MCM2: variants seen among roughly 807,000 people sequenced by gnomAD.
MCM2 encodes minichromosome maintenance complex component 2.
Under a neutral mutation model 86.4 loss-of-function variants are expected in MCM2, and 49 were observed. The ratio of observed to expected loss-of-function variants is 0.57; its 90% CI spans 0.45 to 0.72. MCM2 has a LOEUF of 0.72. MCM2 is among the 30% of genes least tolerant of loss of function. MCM2 has a pLI of 0.00. For missense variants in MCM2, 1,038 were observed against 1,259.9 expected, an observed-to-expected ratio of 0.82 and a Z score of 2.67; for synonymous variants, 475 against 484.6, an observed-to-expected ratio of 0.98 and a Z score of 0.26.
At position 127,606,522 on chromosome 3, in the gene MCM2, A is replaced by AT; in HGVS notation, c.894-85dup. On this transcript the variant is annotated intron_variant, in intron 5 of 15. Transcript: ENST00000265056. The surrounding 1 kb of genome is among the most constrained non-coding windows in gnomAD (Gnocchi z 4.2). ...CTTCCCGGGCTGGGGGCTGGGCCCA[A>AT]TTTCCAGGACAGTGTGTTGGGACAC... The AT allele has an allele frequency of 7.3e-7, 1 of 1,371,790 alleles. No homozygotes were observed. Among genetic ancestry groups the AT allele is most frequent in the South Asian group, 1.2e-5 (1 of 82,296 alleles). 85.0% of individuals were successfully genotyped at this position (1,371,790 alleles called of 1,614,324 possible).
At chr3:127,605,595 C>T (rs1408821784) in intron 4 of MCM2, among the ~76,000 whole-genome samples, 7 of 151,824 alleles carry the variant, frequency 4.6e-5, no homozygotes. Context: ...CATGCACCAC[C>T]ATGCCTGACT....
chr3:127,609,006 C>G lies in MCM2; in HGVS notation c.1411C>G (p.Gln471Glu), dbSNP rs764254320. 1.2e-6 allele frequency: 2 copies of G among 1,614,066 alleles called. No homozygotes were observed. Among genetic ancestry groups the G allele is most frequent in the South Asian group, 2.2e-5 (2 of 91,072 alleles). Residue 471 changes from glutamine to glutamate, a missense_variant, in exon 8 of 16, where the codon CAG becomes GAG. By Grantham distance (29) the Gln-to-Glu change is conservative (BLOSUM62 2). This residue lies in a region of MCM2 where 399 missense variants were observed against 507.2 expected (regional missense o/e 0.79). Transcript: ENST00000265056. ...GATGATCACTAGCCTCTCCAAGGATCAGCAGATCGGAGAGAAGGTAGGTGG... is the reference window on the plus strand; with the variant it reads ...GATGATCACTAGCCTCTCCAAGGATGAGCAGATCGGAGAGAAGGTAGGTGG... ...VKMITSLSKD[Q>E]QIGEKIFASI... is the part of the protein sequence containing the mutation.
At chr3:127,613,222 C>T (rs2074411824) in intron 8 of MCM2, among the ~76,000 whole-genome samples, 1 of 152,202 alleles carries the variant, frequency 6.6e-6, no homozygotes. Flanking sequence ...GACATTACCT[C>T]ATCCTGCAAG....
Position 127,615,965 on chromosome 3 carries a change from C to T in MCM2, c.1522+10C>T, listed in dbSNP as rs1290452680. ...GAGCCCAAAAACCCAGGTGAGCACCCACCTTTCCTCTGCAGGGGTGTTAGC... is the reference window on the plus strand; with the variant it reads ...GAGCCCAAAAACCCAGGTGAGCACCTACCTTTCCTCTGCAGGGGTGTTAGC... On this transcript the variant is annotated intron_variant, in intron 9 of 15. Transcript: ENST00000265056. 1.2e-6 allele frequency: 2 copies of T among 1,607,648 alleles called. No homozygotes were observed. The highest frequency in any genetic ancestry group is 1.7e-5 in the Admixed American group (1 of 60,016).
intron 4 of MCM2, among the ~76,000 whole-genome samples, chr3:127,605,484 A>G (rs989574339): frequency 8.5e-6 from 1 of 117,470 alleles, no homozygotes; most frequent in African/African-American, 3.5e-5. Context: ...CTTGTTTCCC[A>G]GGCTGGAGTG....
At chr3:127,604,445 T>C (rs758979689) in intron 2 of MCM2, among the ~76,000 whole-genome samples, 163 bp from the exon 3 acceptor site, 18 of 152,220 alleles carry the variant, frequency 1.2e-4, no homozygotes, top group Admixed American at 2.6e-4. Flanking sequence ...GTTCATCCAT[T>C]GGAGATCTTT....
intron 13 of MCM2, among the ~76,000 whole-genome samples, 183 bp downstream of exon 13, chr3:127,619,461 G>C (rs140008116): frequency 1.1e-4 from 17 of 152,298 alleles, no homozygotes; most frequent in Non-Finnish European, 8.8e-5. Context: ...TACTTTGGGA[G>C]GCCGAGGCAG....
chr3:127,603,441 C>T (rs1031184376), intron 2 of MCM2, among the ~76,000 whole-genome samples: 2 of 151,832 alleles, frequency 1.3e-5, no homozygotes, highest in East Asian at 3.9e-4. Flanking sequence ...GGATTACAGG[C>T]ATGAGCCACC....
chr3:127,620,986 G>T (rs1182390329), intron 14 of MCM2, 87 bp from the exon 15 acceptor site: 1 of 1,578,250 alleles, frequency 6.3e-7, no homozygotes, highest in African/African-American at 1.3e-5. Flanking sequence ...GCGGCAGCCT[G>T]TCTGACCTGG....
In MCM2 at chr3:127,616,944, C is replaced by T; in HGVS notation, c.1599C>T (p.Leu533=). 2.5e-6 allele frequency: 4 copies of T among 1,614,172 alleles called. No individual in the cohort carries two copies. The highest frequency in any genetic ancestry group is 3.4e-6 in the Non-Finnish European group (4 of 1,180,048). The stretch of plus-strand genomic sequence containing the variant: ...CTGGCACAGCGAAGTCGCAGTTTCT[C>T]AAGTATATTGAGAAAGTGTCCAGCC... ...GDPGTAKSQF[L]KYIEKVSSRA... Residue 533 remains leucine, a synonymous_variant, in exon 10 of 16, where the codon CTC becomes CTT. Coordinates refer to ENST00000265056, the MANE Select transcript of MCM2 (RefSeq NM_004526.4).
At position 127,616,943 on chromosome 3, in the gene MCM2, T is replaced by A; in HGVS notation, c.1598T>A (p.Leu533His). The A allele has an allele frequency of 6.2e-7, 1 of 1,614,156 alleles. No homozygotes were observed. The highest frequency in any genetic ancestry group is 8.5e-7 in the Non-Finnish European group (1 of 1,180,044). Residue 533 changes from leucine (L) to histidine (H), a missense_variant, in exon 10 of 16, where the codon CTC (leucine) becomes CAC (histidine). This residue lies in a region of MCM2 where 399 missense variants were observed against 507.2 expected (regional missense o/e 0.79). Coordinates refer to ENST00000265056, the MANE Select transcript of MCM2 (RefSeq NM_004526.4). Reference sequence around the variant, plus strand: ...CCTGGCACAGCGAAGTCGCAGTTTCTCAAGTATATTGAGAAAGTGTCCAGC... The same window carrying A: ...CCTGGCACAGCGAAGTCGCAGTTTCACAAGTATATTGAGAAAGTGTCCAGC... ...GDPGTAKSQF[L>H]KYIEKVSSRA...
chr3:127,601,505 C>T (rs931411100), intron 2 of MCM2, among the ~76,000 whole-genome samples: 11 of 152,166 alleles, frequency 7.2e-5, no homozygotes, highest in Non-Finnish European at 1.5e-5. Context: ...GGATCACAGA[C>T]ATTTGCCACC....
intron 13 of MCM2, among the ~76,000 whole-genome samples, chr3:127,620,131 G>A (rs2074465472): frequency 6.6e-6 from 1 of 152,118 alleles, no homozygotes; most frequent in African/African-American, 2.4e-5. Flanking sequence ...TATTGACTTT[G>A]TGTAAATTTC....
At chr3:127,612,222 G>A (rs937536624) in intron 8 of MCM2, among the ~76,000 whole-genome samples, 4 of 152,208 alleles carry the variant, frequency 2.6e-5, no homozygotes, top group African/African-American at 9.7e-5. Context: ...TCAGTTTCAT[G>A]GCCCTGCCTG....
At chr3:127,604,841 G>C (rs778936407) in intron 3 of MCM2, 55 bp from the exon 4 acceptor site, 107 of 1,575,152 alleles carry the variant, frequency 6.8e-5, no homozygotes, top group Non-Finnish European at 9.1e-5. Context: ...AGTCTGGGAG[G>C]GGAGTAGAAG....
Position 127,598,412 on chromosome 3 carries a change from T to C in MCM2, c.-55T>C. On this transcript the variant is annotated 5_prime_UTR_variant, in exon 1 of 16. Transcript: ENST00000265056. Reference sequence around the variant, plus strand: ...GGCTTTGGTGGGTCACGTGAACCACTTTTCGCGCGAAACCTGGTTGTTGCT... The same window carrying C: ...GGCTTTGGTGGGTCACGTGAACCACCTTTCGCGCGAAACCTGGTTGTTGCT... 1 of 1,612,612 alleles carries C rather than the reference T, an allele frequency of 6.2e-7. No individual in the cohort carries two copies. The highest frequency in any genetic ancestry group is 8.5e-7 in the Non-Finnish European group (1 of 1,179,020).
chr3:127,604,948 G>T lies in MCM2; in HGVS notation c.465G>T (p.Glu155Asp). The T allele has an allele frequency of 6.2e-7, 1 of 1,613,730 alleles. No homozygotes were observed. The highest frequency in any genetic ancestry group is 8.5e-7 in the Non-Finnish European group (1 of 1,179,840). Reference sequence around the variant, plus strand: ...CTGCCCGCAAGCGCCGCCAGGTGGAGCGGGCCACGGAGGACGGCGAGGAGG... The same window carrying T: ...CTGCCCGCAAGCGCCGCCAGGTGGATCGGGCCACGGAGGACGGCGAGGAGG... Reference protein sequence around the residue: ...ERPARKRRQVERATEDGEEDE... With the variant: ...ERPARKRRQVDRATEDGEEDE... The change falls in exon 4 of 16, where the codon GAG (glutamate) becomes GAT (aspartate). Residue 155 changes from glutamate (E) to aspartate (D), a missense_variant. Glu to Asp is a conservative substitution (Grantham distance 45). This residue lies in a region of MCM2 where 300 missense variants were observed against 307.4 expected (regional missense o/e 0.98). Coordinates refer to ENST00000265056, the MANE Select transcript of MCM2 (RefSeq NM_004526.4).
At chr3:127,621,444 G>A (rs2074478142) in intron 15 of MCM2, among the ~76,000 whole-genome samples, 1 of 152,208 alleles carries the variant, frequency 6.6e-6, no homozygotes, top group Non-Finnish European at 1.5e-5. Flanking sequence ...GTTGTGCAGA[G>A]GTGGAGACAG....
rs551357202 is a variant in MCM2, at chr3:127,618,090, C to T, written c.2013+9C>T. The stretch of plus-strand genomic sequence containing the variant: ...CCGTGGACCCAGTCCAGGTATAGCT[C>T]ACATGTGCCCGGTTTCCATGAACTG... On this transcript the variant is annotated intron_variant, in intron 12 of 15. Coordinates refer to ENST00000265056, the MANE Select transcript of MCM2 (RefSeq NM_004526.4). This position sits in a 1 kb window ranked among gnomAD's most constrained non-coding sequence, Gnocchi z 4.0. 1.4e-5 allele frequency: 22 copies of T among 1,610,020 alleles called. No homozygotes were observed. In the East Asian group the frequency reaches 3.3e-4, roughly 24 times the overall value.
Sources: allele counts gnomAD v4.1 joint callset (sites outside exome capture counted in the v4.1 genomes callset), GRCh38; gene constraint gnomAD v4.1.1; regional missense constraint gnomAD v4.1.1; non-coding constraint Gnocchi (gnomAD v3.1); transcripts MANE v1.5; gene names NCBI Gene and HGNC (gene_info 2026-07-23, HGNC 2026-07-21).